Variants in MAP3K19 observed in about 807,000 individuals in gnomAD.
The protein encoded by MAP3K19 is mitogen-activated protein kinase kinase kinase 19.
A neutral mutation model predicts 114.4 loss-of-function variants in MAP3K19; 91 were observed. That is an observed-to-expected ratio of 0.80 (90% CI 0.67 to 0.95). The LOEUF is 0.95. Among genes scored for constraint, MAP3K19 ranks in the 40% least tolerant of loss-of-function variants. The pLI is 0.00. For synonymous variants in MAP3K19, 518 were observed against 530.5 expected (o/e 0.98, Z 0.32); for missense variants, 1,471 against 1,573.2 (o/e 0.94, Z 1.10).
At chr2:135,032,662 G>C (rs1688417597) in intron 2 of MAP3K19, among the ~76,000 whole-genome samples, 3 of 146,260 alleles carry the variant, frequency 2.1e-5, no homozygotes, top group Admixed American at 6.8e-5. Context: ...TTCTCGCAGA[G>C]GGGGAGTTGG....
chr2:135,042,847 C>T (rs1332601571), intron 1 of MAP3K19, among the ~76,000 whole-genome samples: 1 of 151,926 alleles, frequency 6.6e-6, no homozygotes, highest in African/African-American at 2.4e-5. Flanking sequence ...TTTGGGAGGC[C>T]GAGGGGAGGG....
At chr2:135,011,434 A>G (rs1020839910) in intron 5 of MAP3K19, among the ~76,000 whole-genome samples, 5 of 151,482 alleles carry the variant, frequency 3.3e-5, no homozygotes, top group Non-Finnish European at 5.9e-5. Flanking sequence ...CTACTCGGGA[A>G]GCTGAGGCAG....
Position 134,985,969 on chromosome 2 carries a change from T to C in MAP3K19, c.2903A>G (p.Glu968Gly). 1 of 1,613,978 alleles carries C rather than the reference T, an allele frequency of 6.2e-7. No homozygotes were observed. Among genetic ancestry groups the C allele is most frequent in the Non-Finnish European group, 8.5e-7 (1 of 1,179,938 alleles). The change falls in exon 10 of 13, where the codon GAA (glutamate) becomes GGA (glycine). Residue 968 changes from glutamate to glycine, a missense_variant. Transcript: ENST00000392915. ...TTCTGCAGCTAGACAACCTAATAGT[T>C]CATCTGTCAATTCTTCATTATTTAC... ...DSVNNEELTDELLGCLAAELL... is the reference protein window; with the variant it reads ...DSVNNEELTDGLLGCLAAELL...
In MAP3K19 at chr2:134,986,082, A is replaced by G. The variant is rs1287688844; in HGVS notation, c.2790T>C (p.Asp930=). The G allele has an allele frequency of 8.7e-6, 14 of 1,613,998 alleles. No individual in the cohort carries two copies. The highest frequency in any genetic ancestry group is 1.2e-5 in the Non-Finnish European group (14 of 1,180,006). The change falls in exon 10 of 13, where the codon GAT becomes GAC. Residue 930 remains aspartate, a synonymous_variant. Transcript: ENST00000392915. Reference sequence around the variant, plus strand: ...ATGTGATTGACTTATTTGCTAAACTATCATGATCCAAATAATGTACCCAAT... The same window carrying G: ...ATGTGATTGACTTATTTGCTAAACTGTCATGATCCAAATAATGTACCCAAT... The part of the protein sequence containing the change: ...YQYWVHYLDH[D]SLANKSITYQ...
rs368416865 is a variant in MAP3K19, at chr2:135,013,603, C to T, written c.139-8072G>A. On this transcript the variant is annotated intron_variant, in intron 5 of 12. Coordinates refer to ENST00000392915, the MANE Select transcript of MAP3K19 (RefSeq NM_025052.5). ...TATTCATCCTTCCTTCCCCTCATCC[C>T]TTGGTTTTTTAATTTCTAGTTGGTT... Among the ~76,000 whole-genome samples the T allele has an allele frequency of 2.0e-5, 3 of 152,128 alleles. No homozygotes were observed. The South Asian group carries it at 6.2e-4, about 32-fold the overall frequency.
chr2:135,041,317 C>T (rs1479388261), intron 1 of MAP3K19, among the ~76,000 whole-genome samples: 1 of 151,468 alleles, frequency 6.6e-6, no homozygotes, highest in Non-Finnish European at 1.5e-5. Flanking sequence ...GGTCACCGAA[C>T]TACCCTCTCC....
At chr2:134,997,242 C>A (rs1686063293) in intron 8 of MAP3K19, among the ~76,000 whole-genome samples, 1 of 152,116 alleles carries the variant, frequency 6.6e-6, no homozygotes, top group Admixed American at 6.5e-5. Context: ...AGACACAGGA[C>A]AAATATTGCA....
chr2:134,979,538 A>C (rs746272687), intron 12 of MAP3K19, among the ~76,000 whole-genome samples: 7 of 151,974 alleles, frequency 4.6e-5, no homozygotes, highest in African/African-American at 7.2e-5. Context: ...TCAATAATAT[A>C]GGTAATTGTT....
At chr2:135,040,207 A>G (rs1473502871) in intron 2 of MAP3K19, among the ~76,000 whole-genome samples, 156 bp downstream of exon 2, 1 of 152,202 alleles carries the variant, frequency 6.6e-6, no homozygotes, top group Non-Finnish European at 1.5e-5. Flanking sequence ...GATGGTTCCT[A>G]TCTAGATTTA....
rs201993219 is a variant in MAP3K19 at position 134,981,192 on chromosome 2, T to G, written c.3549A>C (p.Val1183=). Residue 1183 remains valine (V), a synonymous_variant, in exon 12 of 13, where the codon GTA becomes GTC. Coordinates refer to ENST00000392915, the MANE Select transcript of MAP3K19 (RefSeq NM_025052.5). ...CATTATTTCCTTTGATATCGCGATGTACCACACAGTTCTCATGGAGATAAG... is the reference window on the plus strand; with the variant it reads ...CATTATTTCCTTTGATATCGCGATGGACCACACAGTTCTCATGGAGATAAG... ...GVAYLHENCV[V]HRDIKGNNVM... 5 of 1,614,138 alleles carry G rather than the reference T, an allele frequency of 3.1e-6. No individual in the cohort carries two copies. The highest frequency in any genetic ancestry group is 2.2e-5 in the South Asian group (2 of 91,086).
intron 3 of MAP3K19, among the ~76,000 whole-genome samples, chr2:135,027,761 T>C (rs1007535673): frequency 1.3e-5 from 2 of 152,256 alleles, no homozygotes; most frequent in African/African-American, 2.4e-5. Flanking sequence ...CTTTGCATTT[T>C]CATTGCTTGG....
At chr2:134,998,701 C>G in intron 8 of MAP3K19, 37 bp downstream of exon 8, 1 of 1,561,448 alleles carries the variant, frequency 6.4e-7, no homozygotes, top group South Asian at 1.2e-5. Context: ...ATTTGTTGAC[C>G]AAAAGGACTC....
At chr2:135,021,917 G>A in intron 4 of MAP3K19, 87 bp from the exon 5 acceptor site, 1 of 748,334 alleles carries the variant, frequency 1.3e-6, no homozygotes, top group Middle Eastern at 3.2e-4. Context: ...TCTAAAATCA[G>A]CTCCATTTTG....
intron 12 of MAP3K19, among the ~76,000 whole-genome samples, chr2:134,967,835 T>A (rs1162167348): frequency 2.0e-5 from 3 of 152,134 alleles, no homozygotes; most frequent in Non-Finnish European, 4.4e-5. Context: ...CTCCATACTT[T>A]GTCTCTGTGT....
Position 134,986,995 on chromosome 2 carries a change from G to A in MAP3K19, c.1877C>T (p.Ser626Leu), listed in dbSNP as rs1559151878. ...CICKNPGTQK[S>L]CVPLSVQPTE... is the part of the protein sequence containing the mutation. ...CGGTTGAACAGAGAGAGGAACACAT[G>A]ACTTCTGTGTTCCTGGATTTTTACA... is the stretch of plus-strand genomic sequence containing the variant. The change falls in exon 10 of 13, where the codon TCA becomes TTA. Residue 626 changes from serine (S) to leucine (L), a missense_variant. Coordinates refer to ENST00000392915, the MANE Select transcript of MAP3K19 (RefSeq NM_025052.5). The A allele has an allele frequency of 1.2e-6, 2 of 1,613,442 alleles. No individual in the cohort carries two copies. The highest frequency in any genetic ancestry group is 1.7e-6 in the Non-Finnish European group (2 of 1,179,926).
At chr2:135,004,714 G>A (rs1303680553) in intron 6 of MAP3K19, among the ~76,000 whole-genome samples, 3 of 152,242 alleles carry the variant, frequency 2.0e-5, no homozygotes, top group Non-Finnish European at 2.9e-5. Context: ...AAGTGCAAGG[G>A]CACTTACGGT....
chr2:135,020,808 G>A (rs1395210844), intron 5 of MAP3K19, among the ~76,000 whole-genome samples: 1 of 152,134 alleles, frequency 6.6e-6, no homozygotes, highest in South Asian at 2.1e-4. Flanking sequence ...ACCTTGTGAA[G>A]ATGTGCCTGC....
chr2:135,003,309 A>G (rs112256677), intron 6 of MAP3K19, among the ~76,000 whole-genome samples: 1 of 152,198 alleles, frequency 6.6e-6, no homozygotes, highest in Non-Finnish European at 1.5e-5. Flanking sequence ...TGGTTTTTCA[A>G]TGGTATATGA....
intron 8 of MAP3K19, among the ~76,000 whole-genome samples, chr2:134,992,912 C>T (rs943812203): frequency 6.6e-6 from 1 of 151,812 alleles, no homozygotes; most frequent in Admixed American, 6.6e-5. Context: ...AACACTTGAC[C>T]TCGTGATCCA....
Sources: allele counts gnomAD v4.1 joint callset (sites outside exome capture counted in the v4.1 genomes callset), GRCh38; gene constraint gnomAD v4.1.1; transcripts MANE v1.5; gene names NCBI Gene and HGNC (gene_info 2026-07-23, HGNC 2026-07-21).